SH2D3A: variants seen among roughly 807,000 people sequenced by gnomAD.
SH2D3A encodes the protein SH2 domain containing 3A.
In SH2D3A, 46 loss-of-function variants were observed where a neutral mutation model predicts 50.6. That is an observed-to-expected ratio of 0.91 (90% confidence interval 0.72 to 1.16). SH2D3A has a LOEUF of 1.16. Among genes scored for constraint, SH2D3A ranks in the 50% most tolerant of loss-of-function variants. SH2D3A has a pLI of 0.00. For missense variants in SH2D3A, 783 were observed against 786.2 expected, an observed-to-expected ratio of 1.00 and a Z score of 0.05; for synonymous variants, 377 against 348.4, an observed-to-expected ratio of 1.08 and a Z score of -0.91.
rs115040194 is a variant in SH2D3A, at chr19:6,753,363, G to T, written c.1570+93C>A. 1.5e-3 allele frequency: 2,071 copies of T among 1,401,832 alleles called. 36 individuals carry two copies. In the African/African-American group the frequency reaches 0.028, roughly 19 times the overall value. 86.8% of individuals were successfully genotyped at this position (1,401,832 alleles called of 1,614,324 possible). A position where few individuals can be genotyped will look rare whatever the true frequency, so the allele number is the denominator to read the frequency against. ...GGGGCTCCGGGAGGCGTGGCGAGAGGCTCCCCTCCTGGGACAGGCTGGGTT... is the reference window on the plus strand; with the variant it reads ...GGGGCTCCGGGAGGCGTGGCGAGAGTCTCCCCTCCTGGGACAGGCTGGGTT... On this transcript the variant is annotated intron_variant, in intron 9 of 9. Coordinates refer to ENST00000245908, the MANE Select transcript of SH2D3A (RefSeq NM_005490.3).
chr19:6,752,727 C>CGGAGG lies in SH2D3A; in HGVS notation c.1596_1597insCCTCC (p.Glu533ProfsTer5). 6.4e-7 allele frequency: 1 copy of CGGAGG among 1,551,056 alleles called. No homozygotes were observed. The highest frequency in any genetic ancestry group is 8.7e-7 in the Non-Finnish European group (1 of 1,146,654). ...CGCACGAAGCCGGTGGTCAGGGCCT[C>CGGAGG]CCTCAGCTCCGGGTTAGGCCGGAAT... is the stretch of plus-strand genomic sequence containing the variant. On this transcript the variant is annotated frameshift_variant, in exon 10 of 10. Transcript: ENST00000245908. LOFTEE classifies it low-confidence loss of function (END_TRUNC).
At chr19:6,757,760 C>G (rs1969778991) in intron 4 of SH2D3A, 1 of 152,208 alleles carries the variant, frequency 6.6e-6, no homozygotes, top group South Asian at 2.1e-4. Flanking sequence ...GCCTGACCAA[C>G]ATGGGGAAAC....
intron 4 of SH2D3A, chr19:6,759,386 T>G (rs145561250): frequency 1.2e-4 from 56 of 463,330 alleles, no homozygotes; most frequent in African/African-American, 9.4e-4. Context: ...GTGCTGGGAT[T>G]ACAGGCATGA....
At chr19:6,755,473 C>A (rs550220123) in intron 4 of SH2D3A, among the ~76,000 whole-genome samples, 158 bp from the exon 5 acceptor site, 1 of 152,258 alleles carries the variant, frequency 6.6e-6, no homozygotes, top group East Asian at 1.9e-4. Context: ...ATTTCAACCA[C>A]CTCGACGGTA....
At chr19:6,753,352 C>A (rs775039746) in intron 9 of SH2D3A, 104 bp downstream of exon 9, 42 of 1,398,716 alleles carry the variant, frequency 3.0e-5, no homozygotes, top group Non-Finnish European at 3.9e-5. Flanking sequence ...CTCCGGGAGG[C>A]GTGGCGAGAG....
Position 6,754,602 on chromosome 19 carries a change from A to G in SH2D3A, c.1097+14T>C, listed in dbSNP as rs73920204. The G allele has an allele frequency of 0.01, 16,897 of 1,614,066 alleles. 1,301 individuals are homozygous for G. In the African/African-American group the frequency reaches 0.18, roughly 17 times the overall value. On this transcript the variant is annotated intron_variant, in intron 6 of 9. Coordinates refer to ENST00000245908, the MANE Select transcript of SH2D3A (RefSeq NM_005490.3). ...TTGGCCTCCCCCAACCAAGATTACA[A>G]GCTGCTGGCTCACCTCTCCAGCAGT... is the stretch of plus-strand genomic sequence containing the variant.
chr19:6,752,380 GGA>G lies in SH2D3A; in HGVS notation c.*211_*212del. On this transcript the variant is annotated 3_prime_UTR_variant, in exon 10 of 10. Transcript: ENST00000245908. ...CTAGAAATCACGGCTTTTAAGAGGT[GGA>G]GTCACATTTGAACTCTGGCCTCTGA... The G allele has an allele frequency of 2.4e-6, 1 of 411,842 alleles. No individual in the cohort carries two copies. Among genetic ancestry groups the G allele is most frequent in the Non-Finnish European group, 4.2e-6 (1 of 235,704 alleles). 25.5% of individuals were successfully genotyped at this position (411,842 alleles called of 1,614,324 possible). A position where few individuals can be genotyped will look rare whatever the true frequency, so the allele number is the denominator to read the frequency against.
At position 6,755,074 on chromosome 19, in the gene SH2D3A, C is replaced by CA. The variant is rs1969577490; in HGVS notation, c.737_738insT (p.Ser247GlufsTer18). The CA allele has an allele frequency of 1.2e-6, 2 of 1,614,066 alleles. No individual in the cohort carries two copies. Among genetic ancestry groups the CA allele is most frequent in the East Asian group, 4.5e-5 (2 of 44,870 alleles). On this transcript the variant is annotated frameshift_variant, in exon 5 of 10. Transcript: ENST00000245908. LOFTEE classifies it high-confidence loss of function. ...CCTCTGGCTCTGGGCAGCTTTGGCTCGGGGATGTTCCCTGGACACTGGGCA... is the reference window on the plus strand; with the variant it reads ...CCTCTGGCTCTGGGCAGCTTTGGCTCAGGGGATGTTCCCTGGACACTGGGCA...
chr19:6,759,781 C>G (rs1013236708), intron 3 of SH2D3A, 111 bp from the exon 4 acceptor site: 1 of 1,050,918 alleles, frequency 9.5e-7, no homozygotes, highest in Non-Finnish European at 1.4e-6. Context: ...CTCAACCAAT[C>G]AAGGTGACCT....
chr19:6,760,759 GC>G lies in SH2D3A; in HGVS notation c.297del (p.Arg99SerfsTer16). On this transcript the variant is annotated frameshift_variant, in exon 3 of 10. Coordinates refer to ENST00000245908, the MANE Select transcript of SH2D3A (RefSeq NM_005490.3). LOFTEE classifies it high-confidence loss of function. ...GCCCCTGTGGCCTGGGACAGTGGGC[GC>G]CTGCCTGTCATATAACTGTGAACCA... is the stretch of plus-strand genomic sequence containing the variant. ...PALVHSYMTG[R>X]RPLSQATGAV... The G allele has an allele frequency of 6.2e-7, 1 of 1,614,186 alleles. No homozygotes were observed. Among genetic ancestry groups the G allele is most frequent in the Non-Finnish European group, 8.5e-7 (1 of 1,180,000 alleles).
intron 4 of SH2D3A, chr19:6,758,651 T>A (rs1599586683): frequency 6.6e-6 from 1 of 152,258 alleles, no homozygotes; most frequent in Non-Finnish European, 1.5e-5. Flanking sequence ...AAAATTGCCT[T>A]ATTTTTGTGG....
rs1969579109 is a variant in SH2D3A at position 6,755,094 on chromosome 19, T to C, written c.718A>G (p.Ser240Gly). Residue 240 changes from serine (S) to glycine (G), a missense_variant, in exon 5 of 10, where the codon AGT becomes GGT. Physicochemically the swap from Ser to Gly is moderately conservative, Grantham distance 56 (BLOSUM62 0). Transcript: ENST00000245908. Reference sequence around the variant, plus strand: ...TGGCTCGGGGATGTTCCCTGGACACTGGGCACTCGGGGCACCAGCTCGCAG... The same window carrying C: ...TGGCTCGGGGATGTTCCCTGGACACCGGGCACTCGGGGCACCAGCTCGCAG... ...TYCELVPRVP[S>G]VQGTSPSQSC... 6.2e-7 allele frequency: 1 copy of C among 1,613,964 alleles called. No homozygotes were observed. Among genetic ancestry groups the C allele is most frequent in the Admixed American group, 1.7e-5 (1 of 59,998 alleles).
intron 2 of SH2D3A, among the ~76,000 whole-genome samples, chr19:6,761,963 A>T: frequency 9.3e-6 from 1 of 107,374 alleles, no homozygotes; most frequent in East Asian, 2.2e-4. Flanking sequence ...ACAAAAAAAA[A>T]ACAAAAAAAA....
At chr19:6,754,759 G>T in intron 5 of SH2D3A, 28 bp from the exon 6 acceptor site, 6 of 1,613,874 alleles carry the variant, frequency 3.7e-6, no homozygotes, top group Non-Finnish European at 5.1e-6. Context: ...GAAGTCAGGT[G>T]AAGCGTGATT....
intron 8 of SH2D3A, 106 bp from the exon 9 acceptor site, chr19:6,753,747 G>T: frequency 2.4e-6 from 3 of 1,244,210 alleles, no homozygotes; most frequent in Non-Finnish European, 2.2e-6. Flanking sequence ...CTGAGCGACA[G>T]CGGGGTCTGT....
intron 9 of SH2D3A, 62 bp downstream of exon 9, chr19:6,753,394 G>T: frequency 7.1e-7 from 1 of 1,416,688 alleles, no homozygotes. Flanking sequence ...GGGTTTGGGG[G>T]ATCCGGTTAG....
At chr19:6,753,908 G>A in intron 8 of SH2D3A, 144 bp downstream of exon 8, 3 of 1,110,904 alleles carry the variant, frequency 2.7e-6, no homozygotes, top group Non-Finnish European at 2.5e-6. Flanking sequence ...AAAGGGCCAG[G>A]ACCAACCCTC....
In SH2D3A at chr19:6,754,279, G is replaced by A; in HGVS notation, c.1244C>T (p.Ala415Val). 1 of 1,591,274 alleles carries A rather than the reference G, an allele frequency of 6.3e-7. No individual in the cohort carries two copies. Among genetic ancestry groups the A allele is most frequent in the Non-Finnish European group, 8.5e-7 (1 of 1,175,182 alleles). Residue 415 changes from alanine to valine, a missense_variant, in exon 7 of 10, where the codon GCA (alanine) becomes GTA (valine). Transcript: ENST00000245908. ...GGGCATGAGCAGGGCGCCCATGACTGCAGCCAGCCCGGGCAGGTCCCCCGC... is the reference window on the plus strand; with the variant it reads ...GGGCATGAGCAGGGCGCCCATGACTACAGCCAGCCCGGGCAGGTCCCCCGC... ...GAAGDLPGLA[A>V]VMGALLMPQV...
chr19:6,753,761 G>T (rs1340264622), intron 8 of SH2D3A, 120 bp from the exon 9 acceptor site: 10 of 1,111,732 alleles, frequency 9.0e-6, no homozygotes, highest in Non-Finnish European at 1.2e-5. Flanking sequence ...GGTCTGTGGA[G>T]AGGGGCCAGG....
Sources: gnomAD v4.1 joint callset for allele counts (sites outside exome capture counted in the v4.1 genomes callset) on GRCh38, gnomAD v4.1.1 for gene constraint, MANE v1.5 for transcripts, NCBI Gene and HGNC (gene_info 2026-07-23, HGNC 2026-07-21) for gene names.